AFAP1L2: variants seen among roughly 807,000 people sequenced by gnomAD.
AFAP1L2 encodes actin filament associated protein 1 like 2.
In AFAP1L2, 46 loss-of-function variants were observed where a neutral mutation model predicts 99.3. The ratio of observed to expected loss-of-function variants is 0.46; its 90% CI spans 0.37 to 0.59. The LOEUF is 0.59. Ranked by LOEUF, AFAP1L2 falls within the 20% of genes least tolerant of loss-of-function variation. AFAP1L2 has a pLI of 0.00. For missense variants in AFAP1L2, 959 were observed against 1,034.9 expected (o/e 0.93, Z 1.01); for synonymous variants, 397 against 419.1 (o/e 0.95, Z 0.64).
chr10:114,302,327 C>G lies in AFAP1L2; in HGVS notation c.1430+12G>C. ...TAAGAGAGTGTACGGAGGAAGGGTC[C>G]AAATTACTCACAAGAGAGAGTTTTT... On this transcript the variant is annotated intron_variant, in intron 12 of 18. Coordinates refer to ENST00000304129, the MANE Select transcript of AFAP1L2 (RefSeq NM_001001936.3). 1.2e-6 allele frequency: 2 copies of G among 1,614,102 alleles called. No homozygotes were observed. Among genetic ancestry groups the G allele is most frequent in the Non-Finnish European group, 1.7e-6 (2 of 1,179,998 alleles).
chr10:114,285,698 GT>G, the AFAP1L2 span, among the ~76,000 whole-genome samples: 1 of 152,244 alleles, frequency 6.6e-6, no homozygotes, highest in Admixed American at 6.5e-5. Flanking sequence ...ATGGAAAAAA[GT>G]GATAATGTAG....
At chr10:114,298,583 G>A (rs930435469) in intron 16 of AFAP1L2, among the ~76,000 whole-genome samples, 1 of 151,990 alleles carries the variant, frequency 6.6e-6, no homozygotes, top group Non-Finnish European at 1.5e-5. Context: ...GGTGGCTCAC[G>A]CTCACACCTG....
chr10:114,302,357 G>A lies in AFAP1L2; in HGVS notation c.1412C>T (p.Ala471Val), dbSNP rs368717763. Residue 471 changes from alanine to valine, a missense_variant, in exon 12 of 19, where the codon GCG (alanine) becomes GTG (valine). Ala to Val is a moderately conservative substitution (Grantham distance 64). This residue lies in a region of AFAP1L2 where 576 missense variants were observed against 562.1 expected (regional missense o/e 1.02). Transcript: ENST00000304129. ...TACTCACAAGAGAGAGTTTTTGGCC[G>A]CACTCACAATACAGGAGACCCTATC... ...DADRVSCIVS[A>V]AKNSLLLMQR... The A allele has an allele frequency of 2.8e-5, 46 of 1,614,156 alleles. No homozygotes were observed. The highest frequency in any genetic ancestry group is 7.7e-5 in the South Asian group (7 of 91,088).
intron 18 of AFAP1L2, 114 bp downstream of exon 18, chr10:114,296,864 C>T: frequency 1.3e-6 from 2 of 1,564,266 alleles, no homozygotes; most frequent in Non-Finnish European, 8.7e-7. Context: ...GAGTGCCGAG[C>T]CCTTGCTCAG....
chr10:114,328,144 G>A (rs534315169), intron 4 of AFAP1L2, among the ~76,000 whole-genome samples: 118 of 152,320 alleles, frequency 7.7e-4, no homozygotes, highest in Admixed American at 2.7e-3. Flanking sequence ...AGAGGCCACA[G>A]CTGCCTGAGT....
intron 1 of AFAP1L2, among the ~76,000 whole-genome samples, chr10:114,376,731 G>A (rs958662958): frequency 4.6e-5 from 7 of 152,142 alleles, no homozygotes; most frequent in Admixed American, 1.3e-4. Flanking sequence ...TGCTGAACTC[G>A]TTACATCCAG....
At chr10:114,335,436 C>A (rs2047810149) in intron 2 of AFAP1L2, among the ~76,000 whole-genome samples, 1 of 151,984 alleles carries the variant, frequency 6.6e-6, no homozygotes, top group African/African-American at 2.4e-5. Flanking sequence ...CATGGTGAAA[C>A]CCCATCTCTA....
At chr10:114,301,294 T>G in intron 13 of AFAP1L2, 60 bp downstream of exon 13, 9 of 1,356,174 alleles carry the variant, frequency 6.6e-6, no homozygotes, top group Non-Finnish European at 8.4e-6. Flanking sequence ...CATCCAGGTG[T>G]TGAGGTTGGT....
At chr10:114,363,235 C>A (rs1203857188) in intron 1 of AFAP1L2, 1 of 941,790 alleles carries the variant, frequency 1.1e-6, no homozygotes, top group Non-Finnish European at 1.3e-6. Context: ...CAAGTTGCAT[C>A]TCTTGGATGG....
chr10:114,382,586 C>CTGT (rs1554956153), intron 1 of AFAP1L2, among the ~76,000 whole-genome samples: 1 of 80,734 alleles, frequency 1.2e-5, no homozygotes, highest in Non-Finnish European at 2.2e-5. Context: ...TATATTTCTT[C>CTGT]TCTTTTTTTT....
chr10:114,309,555 C>G (rs1417323451), intron 8 of AFAP1L2, among the ~76,000 whole-genome samples: 1 of 152,242 alleles, frequency 6.6e-6, no homozygotes, highest in African/African-American at 2.4e-5. Flanking sequence ...TGTGACCCCA[C>G]AGGTGATGAT....
chr10:114,357,481 G>A (rs1352977041), intron 1 of AFAP1L2, among the ~76,000 whole-genome samples: 1 of 152,096 alleles, frequency 6.6e-6, no homozygotes, highest in Admixed American at 6.5e-5. Context: ...CAATCTCACA[G>A]TACCCTTGTC....
At chr10:114,294,678 A>T, downstream of AFAP1L2, 1 of 381,858 alleles carries the variant, frequency 2.6e-6, no homozygotes, top group Non-Finnish European at 3.6e-6. Flanking sequence ...ATTTGCTTTC[A>T]GCCTTATCTA....
At chr10:114,372,398 C>T (rs1565018957) in intron 1 of AFAP1L2, among the ~76,000 whole-genome samples, 1 of 152,112 alleles carries the variant, frequency 6.6e-6, no homozygotes, top group Non-Finnish European at 1.5e-5. Flanking sequence ...CTGCACAGGG[C>T]TGGGCCGGGT....
chr10:114,317,398 T>C (rs1013610527), intron 5 of AFAP1L2, among the ~76,000 whole-genome samples: 3 of 152,178 alleles, frequency 2.0e-5, no homozygotes, highest in Non-Finnish European at 4.4e-5. Flanking sequence ...ATAGCAGTAT[T>C]ACCCAGGATG....
At chr10:114,365,284 C>T (rs528152195) in intron 1 of AFAP1L2, among the ~76,000 whole-genome samples, 8 of 152,288 alleles carry the variant, frequency 5.3e-5, no homozygotes, top group Non-Finnish European at 1.2e-4. Flanking sequence ...CCCAGGCATA[C>T]GCTCGTGGCT....
At chr10:114,320,727 G>T (rs1311029274) in intron 5 of AFAP1L2, among the ~76,000 whole-genome samples, 1 of 152,198 alleles carries the variant, frequency 6.6e-6, no homozygotes, top group African/African-American at 2.4e-5. Flanking sequence ...CTGACCACTT[G>T]TTTGTGTCGA....
chr10:114,386,498 G>C (rs1319652839), intron 1 of AFAP1L2, among the ~76,000 whole-genome samples: 1 of 152,202 alleles, frequency 6.6e-6, no homozygotes, highest in Non-Finnish European at 1.5e-5. Flanking sequence ...TATCAACAAG[G>C]CAGCAGCAGC....
chr10:114,336,460 G>A (rs933462157), intron 2 of AFAP1L2, among the ~76,000 whole-genome samples: 8 of 152,230 alleles, frequency 5.3e-5, no homozygotes, highest in South Asian at 2.1e-4. Context: ...AGTCCGGCAG[G>A]AGAGACATAC....
Sources: gnomAD v4.1 joint callset for allele counts (sites outside exome capture counted in the v4.1 genomes callset) on GRCh38, gnomAD v4.1.1 for gene constraint, gnomAD v4.1.1 regional missense constraint, MANE v1.5 for transcripts, NCBI Gene and HGNC (gene_info 2026-07-23, HGNC 2026-07-21) for gene names.